Variants in CERS5 observed in about 807,000 individuals in gnomAD.
The protein encoded by CERS5 is ceramide synthase 5, also known as LAG1 homolog, ceramide synthase 5.
CERS5 carries 37 observed loss-of-function variants against 58.9 expected under a neutral mutation model. That is an observed-to-expected ratio of 0.63 (90% CI 0.48 to 0.83). The LOEUF is 0.83. CERS5 is among the 40% of genes least tolerant of loss of function. The pLI, the probability that CERS5 is intolerant of heterozygous loss-of-function variation, is 0.00. For synonymous variants in CERS5, 147 were observed against 177.8 expected (o/e 0.83, Z 1.38); for missense variants, 398 against 489.3 (o/e 0.81, Z 1.76).
intron 4 of CERS5, 139 bp from the exon 5 acceptor site, chr12:50,138,756 AGG>A: frequency 1.4e-6 from 1 of 736,366 alleles, no homozygotes; most frequent in Non-Finnish European, 2.5e-6. Flanking sequence ...GGCTCCCTAA[AGG>A]ATCAATAAAT....
chr12:50,162,184 C>CTTTTTTTTTT (rs75460499), intron 1 of CERS5, among the ~76,000 whole-genome samples: 1 of 129,382 alleles, frequency 7.7e-6, no homozygotes. Context: ...CTGATTTGTT[C>CTTTTTTTTTT]TTTTTTTTTT....
chr12:50,154,572 T>G (rs1179485514), intron 1 of CERS5, among the ~76,000 whole-genome samples: 2 of 152,242 alleles, frequency 1.3e-5, no homozygotes, highest in African/African-American at 2.4e-5. Flanking sequence ...AAGCCAGATA[T>G]TAAAGAGATT....
intron 1 of CERS5, among the ~76,000 whole-genome samples, chr12:50,166,804 C>A (rs377371231): frequency 1.5e-4 from 23 of 152,260 alleles, no homozygotes; most frequent in African/African-American, 5.3e-4. Flanking sequence ...TCTGTAGGAC[C>A]CTTGGAGGTT....
intron 9 of CERS5, among the ~76,000 whole-genome samples, chr12:50,131,200 T>C (rs956242699): frequency 1.1e-4 from 16 of 152,224 alleles, no homozygotes; most frequent in Non-Finnish European, 1.8e-4. Flanking sequence ...CAACTACCAC[T>C]ATCCTATGAC....
chr12:50,153,928 TG>T, intron 1 of CERS5: 1 of 367,038 alleles, frequency 2.7e-6, no homozygotes, highest in Non-Finnish European at 5.5e-6. Context: ...GACTCCAGCC[TG>T]GGCGACAAGA....
intron 3 of CERS5, among the ~76,000 whole-genome samples, chr12:50,142,492 G>A (rs1325246011): frequency 1.3e-5 from 2 of 148,550 alleles, no homozygotes; most frequent in Non-Finnish European, 3.0e-5. Context: ...GGAGGTTGCA[G>A]TGAGCAGAGA....
At chr12:50,144,692 A>C (rs1952160709) in intron 1 of CERS5, 1 of 768,926 alleles carries the variant, frequency 1.3e-6, no homozygotes, top group Non-Finnish European at 2.1e-6. Flanking sequence ...GAAAGGTGAG[A>C]AGGAAATCAC....
chr12:50,135,466 G>A (rs1348044833), intron 8 of CERS5: 1 of 667,556 alleles, frequency 1.5e-6, no homozygotes, highest in Non-Finnish European at 2.8e-6. Flanking sequence ...CCTCAGAGAT[G>A]AGTCAGTCCT....
At chr12:50,155,505 G>A (rs1283117180) in intron 1 of CERS5, among the ~76,000 whole-genome samples, 2 of 151,716 alleles carry the variant, frequency 1.3e-5, no homozygotes, top group Non-Finnish European at 2.9e-5. Context: ...GGGAGGCTGA[G>A]GCAGGTGGAT....
At chr12:50,140,284 ATTTTTTTTTTTT>A (rs57651378) in intron 4 of CERS5, among the ~76,000 whole-genome samples, 2 of 96,246 alleles carry the variant, frequency 2.1e-5, no homozygotes, top group African/African-American at 4.5e-5. Flanking sequence ...TAACTTCCAA[ATTTTTTTTTTTT>A]TTTTTTTTTT....
chr12:50,132,902 AAG>A (rs1398227639), intron 9 of CERS5: 3 of 1,284,074 alleles, frequency 2.3e-6, no homozygotes, highest in Non-Finnish European at 3.0e-6. Context: ...AGCAGGAGGA[AAG>A]AGAACCACAT....
At position 50,129,987 on chromosome 12, in the gene CERS5, C is replaced by A. The variant is rs916112347; in HGVS notation, c.*558G>T. On this transcript the variant is annotated 3_prime_UTR_variant, in exon 10 of 10. Transcript: ENST00000317551. ...ATCAGGTGATTGATAGGAAGGGGAT[C>A]TAGCTAGGGACCACGGCAATCCTGG... The A allele has an allele frequency of 1.3e-5, 2 of 152,532 alleles. No individual in the cohort carries two copies. The highest frequency in any genetic ancestry group is 4.8e-5 in the African/African-American group (2 of 41,456). 9.4% of individuals were successfully genotyped at this position (152,532 alleles called of 1,614,324 possible).
chr12:50,149,197 C>A (rs1268498042), intron 1 of CERS5, among the ~76,000 whole-genome samples: 1 of 151,978 alleles, frequency 6.6e-6, no homozygotes, highest in Admixed American at 6.6e-5. Context: ...TTTCTGTCTT[C>A]TCCAGGATCA....
rs1951209771 is a variant in CERS5, at chr12:50,129,737, A to G, written c.*808T>C. ...TGAATCAGACCTGGAAAAGCTCTTAATTAGCTTATGGATTCAGGAAACTGC... is the reference window on the plus strand; with the variant it reads ...TGAATCAGACCTGGAAAAGCTCTTAGTTAGCTTATGGATTCAGGAAACTGC... On this transcript the variant is annotated 3_prime_UTR_variant, in exon 10 of 10. Coordinates refer to ENST00000317551, the MANE Select transcript of CERS5 (RefSeq NM_147190.5). 1 of 152,188 alleles carries G rather than the reference A, an allele frequency of 6.6e-6. No homozygotes were observed. Among genetic ancestry groups the G allele is most frequent in the African/African-American group, 2.4e-5 (1 of 41,442 alleles). 9.4% of individuals were successfully genotyped at this position (152,188 alleles called of 1,614,324 possible).
intron 5 of CERS5, 65 bp from the exon 6 acceptor site, chr12:50,137,885 T>G: frequency 7.3e-6 from 8 of 1,089,338 alleles, no homozygotes; most frequent in Non-Finnish European, 1.1e-5. Context: ...CTCTCCAACT[T>G]TCTCTGCCTT....
At chr12:50,135,274 GGAGAGAGAGGAGAGGGAGGAAGA>G in intron 8 of CERS5, 1 of 229,556 alleles carries the variant, frequency 4.4e-6, no homozygotes, top group South Asian at 4.4e-5. Context: ...GGGGAGGGAG[GGAGAGAGAGGAGAGGGAGGAAGA>G]GAGAGAGAGG....
At chr12:50,131,038 G>C (rs1339429704) in intron 9 of CERS5, among the ~76,000 whole-genome samples, 2 of 152,164 alleles carry the variant, frequency 1.3e-5, no homozygotes, top group Admixed American at 6.5e-5. Flanking sequence ...AACAGGGAAG[G>C]CCAACACGAA....
intron 1 of CERS5, among the ~76,000 whole-genome samples, chr12:50,156,133 G>A (rs1296342460): frequency 7.1e-6 from 1 of 141,240 alleles, no homozygotes; most frequent in Non-Finnish European, 1.5e-5. Context: ...CGGCCGTGGT[G>A]GCTCACGCCT....
In CERS5 at chr12:50,153,269, A is replaced by ATTTTTTTTT. The variant is rs202197775; in HGVS notation, c.198-9221_198-9213dup. Among the ~76,000 whole-genome samples, 76 of 93,424 alleles carry ATTTTTTTTT rather than the reference A, an allele frequency of 8.1e-4. 12 individuals carry two copies. The highest frequency in any genetic ancestry group is 0.013 in the Middle Eastern group (1 of 76). The allele number at this position is 93,424 out of a possible 152,430, so 61.3% of individuals were successfully genotyped here. A position where few individuals can be genotyped will look rare whatever the true frequency, so the allele number is the denominator to read the frequency against. On this transcript the variant is annotated intron_variant, in intron 1 of 9. Transcript: ENST00000317551. ...GGTTATAATGAGATAAACTAATATG[A>ATTTTTTTTT]TTTTTTTTTTTTTTTTTTTTTTTTT...
Sources: gnomAD v4.1 joint callset for allele counts (sites outside exome capture counted in the v4.1 genomes callset) on GRCh38, gnomAD v4.1.1 for gene constraint, MANE v1.5 for transcripts, NCBI Gene and HGNC (gene_info 2026-07-23, HGNC 2026-07-21) for gene names.